The following SLC29A3 variants were observed in gnomAD, a reference collection of about 807,000 sequenced individuals.
The protein encoded by SLC29A3 is equilibrative nucleoside transporter 3.
Under a neutral mutation model 25.4 loss-of-function variants are expected in SLC29A3, and 18 were observed. The ratio of observed to expected loss-of-function variants is 0.71; its 90% CI spans 0.49 to 1.05. The LOEUF (loss-of-function observed/expected upper bound fraction) is 1.05, where lower values mean the gene tolerates loss of function less well. Ranked by LOEUF, SLC29A3 falls within the 50% of genes least tolerant of loss-of-function variation. The probability of loss-of-function intolerance (pLI) is 0.00; values close to 1 mark genes in which losing one functional copy is unlikely to be tolerated. For missense variants in SLC29A3, 586 were observed against 609.0 expected, an observed-to-expected ratio of 0.96 and a Z score of 0.40; for synonymous variants, 258 against 267.1, an observed-to-expected ratio of 0.97 and a Z score of 0.33.
In SLC29A3 at chr10:71,369,925, G is replaced by A. The variant is rs139059708; in HGVS notation, c.*95-5770G>A. ...TAAAAGATTGAGAAGGGCACTTCCA[G>A]TTTACATGGTTTGTGGATCTGAGGA... On this transcript the variant is annotated intron_variant and NMD_transcript_variant, in intron 3 of 4. Coordinates refer to the SLC29A3 transcript ENST00000642772. Among the ~76,000 whole-genome samples, 784 of 152,308 alleles carry A rather than the reference G, an allele frequency of 5.1e-3. 19 individuals are homozygous for A. The highest frequency in any genetic ancestry group is 0.017 in the East Asian group (86 of 5,188).
intron 3 of SLC29A3, among the ~76,000 whole-genome samples, chr10:71,349,027 C>T (rs1236759397): frequency 6.6e-6 from 1 of 152,088 alleles, no homozygotes; most frequent in Non-Finnish European, 1.5e-5. Context: ...GTACCAACTT[C>T]CCTAGTCATT....
chr10:71,344,185 A>T, intron 2 of SLC29A3, 24 bp from the exon 3 acceptor site: 1 of 1,595,042 alleles, frequency 6.3e-7, no homozygotes, highest in Non-Finnish European at 8.6e-7. Context: ...TGACCGCAGC[A>T]CCTCCTCACT....
exon 4 of SLC29A3, chr10:71,375,809 C>T (rs1054363003): frequency 2.0e-5 from 3 of 152,092 alleles, no homozygotes; most frequent in Non-Finnish European, 4.4e-5. Context: ...ACTCATGGGC[C>T]AGGTAAGTTC....
At position 71,322,985 on chromosome 10, in the gene SLC29A3, C is replaced by T. The variant is rs780829045; in HGVS notation, c.231C>T (p.Tyr77=). 6.2e-7 allele frequency: 1 copy of T among 1,614,148 alleles called. No individual in the cohort carries two copies. Among genetic ancestry groups the T allele is most frequent in the South Asian group, 1.1e-5 (1 of 91,088 alleles). Residue 77 remains tyrosine, a synonymous_variant, in exon 2 of 6, where the codon TAC becomes TAT. Coordinates refer to ENST00000373189, the MANE Select transcript of SLC29A3 (RefSeq NM_018344.6). The stretch of plus-strand genomic sequence containing the variant: ...ACTTCTTTATCACTGCCAAGGAGTA[C>T]TGGATGTTCAAACTCCGCAACTCCT... ...PWNFFITAKE[Y]WMFKLRNSSS...
chr10:71,330,882 A>G (rs1296272757), intron 2 of SLC29A3, among the ~76,000 whole-genome samples: 1 of 151,966 alleles, frequency 6.6e-6, no homozygotes, highest in Non-Finnish European at 1.5e-5. Flanking sequence ...TTACAGCCCA[A>G]AGACATAGGT....
intron 2 of SLC29A3, among the ~76,000 whole-genome samples, chr10:71,325,459 C>T (rs1845944058): frequency 6.6e-6 from 1 of 152,170 alleles, no homozygotes; most frequent in South Asian, 2.1e-4. Flanking sequence ...CAATGCGGGC[C>T]ACGCCCCAGG....
intron 2 of SLC29A3, among the ~76,000 whole-genome samples, chr10:71,338,239 C>T (rs1382759604): frequency 6.6e-6 from 1 of 152,238 alleles, no homozygotes; most frequent in Non-Finnish European, 1.5e-5. Context: ...CACAGACACT[C>T]TTTAACATGG....
At chr10:71,355,361 T>C (rs913881703) in intron 4 of SLC29A3, among the ~76,000 whole-genome samples, 8 of 152,122 alleles carry the variant, frequency 5.3e-5, no homozygotes, top group African/African-American at 1.7e-4. Flanking sequence ...TCACAGGTAA[T>C]GTGTGTCAAA....
chr10:71,339,682 C>G (rs1488742215), intron 2 of SLC29A3, among the ~76,000 whole-genome samples: 2 of 152,162 alleles, frequency 1.3e-5, no homozygotes, highest in Non-Finnish European at 2.9e-5. Context: ...CGCTGGCATC[C>G]TCACTGGTGG....
Position 71,336,938 on chromosome 10 carries a change from G to A in SLC29A3, c.301-7271G>A, listed in dbSNP as rs549204899. Among the ~76,000 whole-genome samples the A allele has an allele frequency of 1.2e-4, 18 of 152,306 alleles. No individual in the cohort carries two copies. The East Asian group carries it at 3.5e-3, about 30-fold the overall frequency. On this transcript the variant is annotated intron_variant, in intron 2 of 5. Transcript: ENST00000373189. ...GTGAGCCCAGGCCTGGAGCTGTCAT[G>A]AGAGGCCAAAGGAGGGACGGTTGCA...
intron 3 of SLC29A3, among the ~76,000 whole-genome samples, chr10:71,350,050 A>G (rs1037659692): frequency 3.3e-5 from 5 of 152,154 alleles, no homozygotes; most frequent in African/African-American, 1.2e-4. Context: ...GAATGACCAC[A>G]CCATTGAGTA....
At chr10:71,351,203 G>A (rs1203170179) in intron 3 of SLC29A3, among the ~76,000 whole-genome samples, 2 of 152,148 alleles carry the variant, frequency 1.3e-5, no homozygotes, top group African/African-American at 4.8e-5. Flanking sequence ...TGGTGTCCTC[G>A]TGTCCTTGAA....
intron 4 of SLC29A3, among the ~76,000 whole-genome samples, chr10:71,378,409 G>C (rs920381227): frequency 6.6e-6 from 1 of 152,146 alleles, no homozygotes; most frequent in African/African-American, 2.4e-5. Context: ...GGCCATAGGA[G>C]CGATTTTAGC....
chr10:71,346,453 C>T (rs1486396971), intron 3 of SLC29A3, among the ~76,000 whole-genome samples: 8 of 152,164 alleles, frequency 5.3e-5, no homozygotes, highest in Admixed American at 2.6e-4. Flanking sequence ...AATCTCAGCA[C>T]TTTGGGAGGC....
intron 2 of SLC29A3, among the ~76,000 whole-genome samples, chr10:71,328,315 G>A (rs1009320970): frequency 8.5e-5 from 13 of 152,170 alleles, no homozygotes; most frequent in African/African-American, 3.1e-4. Context: ...TCATCCCTGG[G>A]CACGTCCCCT....
At chr10:71,321,710 T>C (rs553984049) in intron 1 of SLC29A3, among the ~76,000 whole-genome samples, 62 of 152,344 alleles carry the variant, frequency 4.1e-4, no homozygotes, top group African/African-American at 1.4e-3. Context: ...TTTGGGGAAA[T>C]TGAGGCACAG....
At chr10:71,367,246 A>T (rs1327028987), downstream of SLC29A3, among the ~76,000 whole-genome samples, 1 of 152,150 alleles carries the variant, frequency 6.6e-6, no homozygotes, top group African/African-American at 2.4e-5. Context: ...CACCCAGTTC[A>T]CCAGCCCCTG....
At chr10:71,344,362 C>T in intron 3 of SLC29A3, 71 bp downstream of exon 3, 2 of 1,224,692 alleles carry the variant, frequency 1.6e-6, no homozygotes, top group Non-Finnish European at 2.4e-6. Flanking sequence ...CTCTTGCCTG[C>T]AGCTGCTTTT....
chr10:71,355,326 T>C (rs1333354555), intron 4 of SLC29A3, among the ~76,000 whole-genome samples: 1 of 152,076 alleles, frequency 6.6e-6, no homozygotes, highest in Non-Finnish European at 1.5e-5. Context: ...TAGGTAGCAG[T>C]GAAAGGTGTG....
Sources: allele counts gnomAD v4.1 joint callset (sites outside exome capture counted in the v4.1 genomes callset), GRCh38; gene constraint gnomAD v4.1.1; transcripts MANE v1.5; gene names NCBI Gene and HGNC (gene_info 2026-07-23, HGNC 2026-07-21).